KLHL14: variants seen among roughly 807,000 people sequenced by gnomAD.
The protein encoded by KLHL14 is kelch like family member 14, also known as kelch-like protein 14.
In KLHL14, 22 loss-of-function variants were observed where a neutral mutation model predicts 64.3. The ratio of observed to expected loss-of-function variants is 0.34; its 90% CI spans 0.24 to 0.49. The LOEUF (loss-of-function observed/expected upper bound fraction) is 0.49. KLHL14 is among the 20% of genes least tolerant of loss of function. The pLI, the probability that KLHL14 is intolerant of heterozygous loss-of-function variation, is 0.99. For synonymous variants in KLHL14, 322 were observed against 333.4 expected (o/e 0.97, Z 0.37); for missense variants, 661 against 789.0 (o/e 0.84, Z 1.94).
intron 3 of KLHL14, among the ~76,000 whole-genome samples, chr18:32,725,634 T>C (rs1303665900): frequency 2.6e-5 from 4 of 152,186 alleles, no homozygotes; most frequent in Non-Finnish European, 4.4e-5. Context: ...GAATGTGTCC[T>C]GTGAGCTAGG....
chr18:32,750,430 T>G (rs921607197), intron 2 of KLHL14, among the ~76,000 whole-genome samples: 1 of 152,204 alleles, frequency 6.6e-6, no homozygotes, highest in Non-Finnish European at 1.5e-5. Context: ...AATTCATCTT[T>G]GGAATTTTGG....
chr18:32,702,041 T>C (rs919272730), intron 3 of KLHL14, among the ~76,000 whole-genome samples: 1 of 152,226 alleles, frequency 6.6e-6, no homozygotes, highest in African/African-American at 2.4e-5. Context: ...TGTAGCATGT[T>C]TTCATACATT....
intron 2 of KLHL14, among the ~76,000 whole-genome samples, chr18:32,749,567 GC>G (rs1282763774): frequency 1.3e-5 from 2 of 152,116 alleles, no homozygotes; most frequent in Non-Finnish European, 2.9e-5. Flanking sequence ...CCTTTGTGCT[GC>G]TGACACCTTG....
intron 2 of KLHL14, among the ~76,000 whole-genome samples, chr18:32,768,390 G>GAC (rs10567081): frequency 0.28 from 39,496 of 141,340 alleles, 5,320 homozygotes; most frequent in South Asian, 0.39. Context: ...GAAACATAAT[G>GAC]ACACACACAC....
intron 3 of KLHL14, among the ~76,000 whole-genome samples, chr18:32,720,159 G>T (rs985601515): frequency 1.3e-5 from 2 of 152,220 alleles, no homozygotes; most frequent in African/African-American, 2.4e-5. Flanking sequence ...AGGAAGATGT[G>T]TGGGATAGGA....
intron 2 of KLHL14, among the ~76,000 whole-genome samples, chr18:32,759,423 T>C (rs1402126705): frequency 6.6e-6 from 1 of 152,200 alleles, no homozygotes. Flanking sequence ...ACTATTCCTA[T>C]AAAAATCCAA....
rs1291446698 is a variant in KLHL14, at chr18:32,687,175, T to G, written c.1218A>C (p.Gln406His). Residue 406 changes from glutamine to histidine, a missense_variant, in exon 5 of 9, where the codon CAA (glutamine) becomes CAC (histidine). Transcript: ENST00000359358. ...CTTACCTTTCCTGCATGGGTGGAAG[T>G]TGAATCCAGCTATTAAATCGAGGAT... Reference protein sequence around the residue: ...RYDPRFNSWIQLPPMQERRAS... With the variant: ...RYDPRFNSWIHLPPMQERRAS... 1 of 1,613,960 alleles carries G rather than the reference T, an allele frequency of 6.2e-7. No homozygotes were observed. Among genetic ancestry groups the G allele is most frequent in the Admixed American group, 1.7e-5 (1 of 60,016 alleles).
At chr18:32,747,649 TC>T (rs1222523395) in intron 2 of KLHL14, among the ~76,000 whole-genome samples, 1 of 152,172 alleles carries the variant, frequency 6.6e-6, no homozygotes, top group Admixed American at 6.5e-5. Flanking sequence ...ACCACTCACC[TC>T]CTGCTGTACG....
intron 5 of KLHL14, among the ~76,000 whole-genome samples, chr18:32,681,915 G>A (rs1385813091): frequency 6.6e-6 from 1 of 152,158 alleles, no homozygotes; most frequent in Non-Finnish European, 1.5e-5. Context: ...CCTTTGACAT[G>A]TCACCCAACC....
At position 32,770,550 on chromosome 18, in the gene KLHL14, G is replaced by T. The variant is rs776166152; in HGVS notation, c.42C>A (p.Ser14Arg). Residue 14 changes from serine to arginine, a missense_variant, in exon 2 of 9, where the codon AGC becomes AGA. Ser to Arg is a moderately radical substitution (Grantham distance 110, BLOSUM62 -1). This residue lies in a region of KLHL14 where 331 missense variants were observed against 339.0 expected (regional missense o/e 0.98). Coordinates refer to ENST00000359358, the MANE Select transcript of KLHL14 (RefSeq NM_020805.3). The surrounding 1 kb of genome is among the most constrained non-coding windows in gnomAD (Gnocchi z 6.7). ...SGDRTSTFDP[S>R]HSDNLLHGLN... ...GGCCGTGCAGCAGGTTGTCGCTGTG[G>T]CTGGGGTCGAAGGTGGAGGTCCTGT... 1.2e-6 allele frequency: 2 copies of T among 1,600,464 alleles called. No homozygotes were observed. Among genetic ancestry groups the T allele is most frequent in the East Asian group, 2.2e-5 (1 of 44,810 alleles).
At chr18:32,695,279 A>G (rs897652306) in intron 4 of KLHL14, among the ~76,000 whole-genome samples, 184 bp downstream of exon 4, 5 of 152,114 alleles carry the variant, frequency 3.3e-5, no homozygotes, top group Non-Finnish European at 7.4e-5. Flanking sequence ...TCTGCTACAC[A>G]TGTCCCCAGT....
chr18:32,711,450 T>C (rs1319064912), intron 3 of KLHL14, among the ~76,000 whole-genome samples: 1 of 152,200 alleles, frequency 6.6e-6, no homozygotes, highest in Non-Finnish European at 1.5e-5. Context: ...AATGGTATTG[T>C]GTTTACAGTA....
chr18:32,759,099 G>C (rs2050300032), intron 2 of KLHL14, among the ~76,000 whole-genome samples: 1 of 152,154 alleles, frequency 6.6e-6, no homozygotes, highest in Non-Finnish European at 1.5e-5. Context: ...GAATGGTATA[G>C]TATATTAATT....
intron 3 of KLHL14, chr18:32,734,120 T>G (rs552235529): frequency 2.8e-6 from 2 of 702,436 alleles, no homozygotes; most frequent in South Asian, 3.0e-5. Flanking sequence ...CACTGAATAT[T>G]TGATGTCTAG....
chr18:32,677,096 G>A, intron 8 of KLHL14, 77 bp downstream of exon 8: 2 of 1,430,052 alleles, frequency 1.4e-6, no homozygotes, highest in East Asian at 4.6e-5. Flanking sequence ...ATGTGTGGAG[G>A]ATAACACATT....
intron 4 of KLHL14, among the ~76,000 whole-genome samples, chr18:32,687,622 A>G (rs1353754078): frequency 6.6e-6 from 1 of 152,222 alleles, no homozygotes; most frequent in East Asian, 1.9e-4. Flanking sequence ...ACTACCTTGT[A>G]TGATGGTATC....
chr18:32,772,123 C>A lies in KLHL14; in HGVS notation c.-44+544G>T, dbSNP rs1336978968. The A allele has an allele frequency of 5.0e-5, 11 of 222,168 alleles. 1 individual carries two copies. Among genetic ancestry groups the A allele is most frequent in the Non-Finnish European group, 6.8e-5 (8 of 117,852 alleles). 13.8% of individuals were successfully genotyped at this position (222,168 alleles called of 1,614,324 possible). A position where few individuals can be genotyped will look rare whatever the true frequency, so the allele number is the denominator to read the frequency against. Reference sequence around the variant, plus strand: ...CGGCCCGCCGGCCCGCCGGCCCGCCCGCCCGGGGGAGAGCCGCCGCCGCCG... The same window carrying A: ...CGGCCCGCCGGCCCGCCGGCCCGCCAGCCCGGGGGAGAGCCGCCGCCGCCG... On this transcript the variant is annotated intron_variant, in intron 1 of 8. Transcript: ENST00000359358.
intron 5 of KLHL14, among the ~76,000 whole-genome samples, chr18:32,682,643 G>A (rs184974052): frequency 4.7e-4 from 72 of 152,260 alleles, no homozygotes; most frequent in African/African-American, 1.6e-3. Flanking sequence ...TTTCAAAGCA[G>A]TTGCAAAATT....
intron 2 of KLHL14, among the ~76,000 whole-genome samples, chr18:32,766,165 T>A (rs2050342890): frequency 6.6e-6 from 1 of 152,078 alleles, no homozygotes; most frequent in Admixed American, 6.5e-5. Flanking sequence ...ATTCGTTATA[T>A]TGTGTGAGGT....
Sources: allele counts gnomAD v4.1 joint callset (sites outside exome capture counted in the v4.1 genomes callset), GRCh38; gene constraint gnomAD v4.1.1; regional missense constraint gnomAD v4.1.1; non-coding constraint Gnocchi (gnomAD v3.1); transcripts MANE v1.5; gene names NCBI Gene and HGNC (gene_info 2026-07-23, HGNC 2026-07-21).